Variants in OTUD7B observed in about 807,000 individuals in gnomAD.
OTUD7B encodes OTU deubiquitinase 7B.
In OTUD7B, 34 loss-of-function variants were observed where a neutral mutation model predicts 82.2. The ratio of observed to expected loss-of-function variants is 0.41; its 90% CI spans 0.31 to 0.55. OTUD7B has a LOEUF of 0.55. OTUD7B is among the 20% of genes least tolerant of loss of function. The pLI is 0.20. For missense variants in OTUD7B, 944 were observed against 1,062.1 expected, an observed-to-expected ratio of 0.89 and a Z score of 1.55; for synonymous variants, 398 against 402.7, an observed-to-expected ratio of 0.99 and a Z score of 0.14.
upstream of OTUD7B, among the ~76,000 whole-genome samples, chr1:150,015,290 C>CTTTTTTTTTTTTTTTTTTTTTTTTTT (rs60374988): frequency 7.8e-6 from 1 of 128,974 alleles, no homozygotes; most frequent in Non-Finnish European, 1.5e-5. Context: ...TTTTCTTTCT[C>CTTTTTTTTTTTTTTTTTTTTTTTTTT]TTTTTTTTTT....
intron 3 of OTUD7B, among the ~76,000 whole-genome samples, chr1:149,968,715 T>G (rs1408488826): frequency 1.3e-5 from 2 of 152,162 alleles, no homozygotes; most frequent in African/African-American, 4.8e-5. Context: ...TAGTTTTGTT[T>G]GTTTTTGTTC....
At chr1:149,992,835 CA>C (rs1251826520) in intron 1 of OTUD7B, among the ~76,000 whole-genome samples, 2 of 152,108 alleles carry the variant, frequency 1.3e-5, no homozygotes, top group African/African-American at 4.8e-5. Flanking sequence ...CAACTTTTAA[CA>C]TACTGTATTA....
At position 149,977,470 on chromosome 1, in the gene OTUD7B, C is replaced by A. The variant is rs782815488; in HGVS notation, c.41G>T (p.Arg14Leu). Residue 14 changes from arginine (R) to leucine (L), a missense_variant, in exon 2 of 12, where the codon CGT becomes CTT. This residue lies in a region of OTUD7B where 530 missense variants were observed against 625.6 expected (regional missense o/e 0.85). Transcript: ENST00000581312. The stretch of plus-strand genomic sequence containing the variant: ...TAGCCCTGGCTCTGCTCCTGTGGAA[C>A]GGACAAAATCTGACAGAACAGCATC... ...DMDAVLSDFV[R>L]STGAEPGLAR... The A allele has an allele frequency of 1.9e-6, 3 of 1,614,092 alleles. No homozygotes were observed. The Admixed American group carries it at 5.0e-5, about 27-fold the overall frequency.
chr1:149,992,467 G>GTGTTT (rs1651640939), intron 1 of OTUD7B, among the ~76,000 whole-genome samples: 1 of 61,560 alleles, frequency 1.6e-5, no homozygotes, highest in Non-Finnish European at 2.8e-5. Context: ...GTGTGCATGT[G>GTGTTT]TTTTTTTTTT....
At chr1:149,989,198 C>T (rs782196022) in intron 1 of OTUD7B, among the ~76,000 whole-genome samples, 7 of 152,140 alleles carry the variant, frequency 4.6e-5, no homozygotes, top group Non-Finnish European at 8.8e-5. Context: ...ACAGGCCGGG[C>T]GTGGTGGCTC....
chr1:149,944,223 C>A lies in OTUD7B; in HGVS notation c.2166G>T (p.Gly722=), dbSNP rs781880080. 14 of 1,613,134 alleles carry A rather than the reference C, an allele frequency of 8.7e-6. No homozygotes were observed. Among genetic ancestry groups the A allele is most frequent in the Non-Finnish European group, 1.1e-5 (13 of 1,179,392 alleles). The change falls in exon 12 of 12, where the codon GGG becomes GGT. Residue 722 remains glycine (G), a synonymous_variant. Coordinates refer to ENST00000581312, the MANE Select transcript of OTUD7B (RefSeq NM_020205.4). ...GGAAGGTGGCATATGGTGGTAGGCCCCCGACACATGGACCCCCTGCCAACT... is the reference window on the plus strand; with the variant it reads ...GGAAGGTGGCATATGGTGGTAGGCCACCGACACATGGACCCCCTGCCAACT... ...RRQLAGGPCV[G]GLPPYATFPR...
Position 149,941,712 on chromosome 1 carries a change from G to A in OTUD7B, c.*2145C>T, listed in dbSNP as rs1413499894. Reference sequence around the variant, plus strand: ...CCTCACTTCCCTCCTCCTAATCTCAGTCCTGTCAGATCCTGTAAGATTTCG... The same window carrying A: ...CCTCACTTCCCTCCTCCTAATCTCAATCCTGTCAGATCCTGTAAGATTTCG... On this transcript the variant is annotated 3_prime_UTR_variant, in exon 12 of 12. Transcript: ENST00000581312. The A allele has an allele frequency of 6.6e-6, 1 of 152,070 alleles. No homozygotes were observed. Among genetic ancestry groups the A allele is most frequent in the African/African-American group, 2.4e-5 (1 of 41,392 alleles). 9.4% of individuals were successfully genotyped at this position (152,070 alleles called of 1,614,324 possible). A position where few individuals can be genotyped will look rare whatever the true frequency, so the allele number is the denominator to read the frequency against.
At position 149,976,633 on chromosome 1, in the gene OTUD7B, A is replaced by AAAAAAT. The variant is rs1176193849; in HGVS notation, c.85+792_85+793insATTTTT. Among the ~76,000 whole-genome samples the AAAAAAT allele has an allele frequency of 1.6e-3, 162 of 102,638 alleles. 8 individuals carry two copies. The highest frequency in any genetic ancestry group is 8.8e-3 in the Middle Eastern group (1 of 114). The allele number at this position is 102,638 out of a possible 152,430, so 67.3% of individuals were successfully genotyped here. A position where few individuals can be genotyped will look rare whatever the true frequency, so the allele number is the denominator to read the frequency against. On this transcript the variant is annotated intron_variant, in intron 2 of 11. Coordinates refer to ENST00000581312, the MANE Select transcript of OTUD7B (RefSeq NM_020205.4). Reference sequence around the variant, plus strand: ...TCTACAAAAAAAAAAAAAAAAAAATACTAGAACATTCAAACTTATGTGTAT... The same window carrying AAAAAAT: ...TCTACAAAAAAAAAAAAAAAAAAATAAAAAATCTAGAACATTCAAACTTATGTGTAT...
intron 2 of OTUD7B, among the ~76,000 whole-genome samples, chr1:149,972,338 G>A (rs782727358): frequency 2.0e-5 from 3 of 152,020 alleles, no homozygotes; most frequent in Non-Finnish European, 4.4e-5. Flanking sequence ...GACTCCCTTT[G>A]CTCACTCTGT....
chr1:150,014,587 G>A (rs1338320451), upstream of OTUD7B, among the ~76,000 whole-genome samples: 1 of 151,988 alleles, frequency 6.6e-6, no homozygotes. Flanking sequence ...CATTTTAAAT[G>A]TTCACCAACA....
Position 149,950,156 on chromosome 1 carries a change from T to C in OTUD7B, c.911A>G (p.His304Arg). Residue 304 changes from histidine to arginine, a missense_variant, in exon 8 of 12, where the codon CAT becomes CGT. Physicochemically the swap from His to Arg is conservative, Grantham distance 29. Coordinates refer to ENST00000581312, the MANE Select transcript of OTUD7B (RefSeq NM_020205.4). ...LEEFHVFVLA[H>R]VLRRPIVVVA... ...GACGACTATGGGCCTCCTAAGCACA[T>C]GAGCAAGGACAAAGACGTGAAACTC... 6.2e-7 allele frequency: 1 copy of C among 1,614,018 alleles called. No individual in the cohort carries two copies.
chr1:149,977,321 C>T, intron 2 of OTUD7B, 105 bp downstream of exon 2: 1 of 822,068 alleles, frequency 1.2e-6, no homozygotes, highest in Non-Finnish European at 2.1e-6. Context: ...TAGGGCCTAA[C>T]CTACACAAAG....
At chr1:149,952,766 C>T (rs587694812) in intron 7 of OTUD7B, among the ~76,000 whole-genome samples, 1 of 152,230 alleles carries the variant, frequency 6.6e-6, no homozygotes, top group Non-Finnish European at 1.5e-5. Flanking sequence ...GATGGTATCT[C>T]ATTGTGATTT....
At chr1:150,039,345 A>G in the OTUD7B span, among the ~76,000 whole-genome samples, 8 of 150,786 alleles carry the variant, frequency 5.3e-5, no homozygotes, top group Non-Finnish European at 1.0e-4. Context: ...AAGACTGAAT[A>G]TTATCATAAA....
chr1:150,027,668 C>T, the OTUD7B span, among the ~76,000 whole-genome samples: 1 of 151,836 alleles, frequency 6.6e-6, no homozygotes, highest in Admixed American at 6.6e-5. Context: ...ACTTCATCTG[C>T]CAAAGAAGAT....
chr1:149,959,710 T>G lies in OTUD7B; in HGVS notation c.819A>C (p.Leu273=), dbSNP rs782373627. 7 of 1,611,334 alleles carry G rather than the reference T, an allele frequency of 4.3e-6. No individual in the cohort carries two copies. The Admixed American group carries it at 1.0e-4, about 23-fold the overall frequency. Residue 273 remains leucine (L), a synonymous_variant, in exon 7 of 12, where the codon CTA becomes CTC. Transcript: ENST00000581312. The stretch of plus-strand genomic sequence containing the variant: ...CACCACAGTTGGCTCCATTGGTACC[T>G]AGATGCATTCGGGGTTCACTTGAGG... ...KLASSEPRMH[L]GTNGANCGGV...
In OTUD7B at chr1:149,943,177, CAT is replaced by C. The variant is rs1158116852; in HGVS notation, c.*678_*679del. The stretch of plus-strand genomic sequence containing the variant: ...TCTCTTCTCAAACTGTAACAGATGA[CAT>C]ATGACTGCTTGGAAGGAAATAAACC... On this transcript the variant is annotated 3_prime_UTR_variant, in exon 12 of 12. Coordinates refer to ENST00000581312, the MANE Select transcript of OTUD7B (RefSeq NM_020205.4). 6.6e-6 allele frequency: 1 copy of C among 152,450 alleles called. No individual in the cohort carries two copies. The highest frequency in any genetic ancestry group is 1.9e-4 in the East Asian group (1 of 5,194). The allele number at this position is 152,450 out of a possible 1,614,324, so 9.4% of individuals were successfully genotyped here. A position where few individuals can be genotyped will look rare whatever the true frequency, so the allele number is the denominator to read the frequency against.
rs2092741744 is a variant in OTUD7B at position 149,938,584 on chromosome 1, T to C, written c.*5273A>G. On this transcript the variant is annotated 3_prime_UTR_variant, in exon 12 of 12. Transcript: ENST00000581312. The stretch of plus-strand genomic sequence containing the variant: ...AGCCTCATTCTATTCTTTAGCACTT[T>C]GAGGTGTGGAGACAGTGGAGGAACA... 6.7e-6 allele frequency: 1 copy of C among 149,988 alleles called. No individual in the cohort carries two copies. Among genetic ancestry groups the C allele is most frequent in the Non-Finnish European group, 1.5e-5 (1 of 67,756 alleles). 9.3% of individuals were successfully genotyped at this position (149,988 alleles called of 1,614,324 possible).
At chr1:149,988,638 T>G (rs1571701689) in intron 1 of OTUD7B, among the ~76,000 whole-genome samples, 1 of 152,304 alleles carries the variant, frequency 6.6e-6, no homozygotes, top group South Asian at 2.1e-4. Flanking sequence ...AAGTCTGTTA[T>G]TATAATATTG....
Sources: allele counts gnomAD v4.1 joint callset (sites outside exome capture counted in the v4.1 genomes callset), GRCh38; gene constraint gnomAD v4.1.1; regional missense constraint gnomAD v4.1.1; transcripts MANE v1.5; gene names NCBI Gene and HGNC (gene_info 2026-07-23, HGNC 2026-07-21).